PHYKPL: variants seen among roughly 807,000 people sequenced by gnomAD.
The protein encoded by PHYKPL is 5-phosphohydroxy-L-lysine phospho-lyase, also known as 5-phosphonooxy-L-lysine phospho-lyase.
PHYKPL carries 42 observed loss-of-function variants against 51.3 expected under a neutral mutation model. The observed-to-expected ratio is 0.82, with a 90% CI of 0.64 to 1.06. The LOEUF (loss-of-function observed/expected upper bound fraction) is 1.06. Among genes scored for constraint, PHYKPL ranks in the 50% least tolerant of loss-of-function variants. The pLI, the probability that PHYKPL is intolerant of heterozygous loss-of-function variation, is 0.00. For synonymous variants in PHYKPL, 264 were observed against 236.0 expected, an observed-to-expected ratio of 1.12 and a Z score of -1.09; for missense variants, 655 against 586.6, an observed-to-expected ratio of 1.12 and a Z score of -1.20.
intron 1 of PHYKPL, chr5:178,232,122 T>C: frequency 8.4e-7 from 1 of 1,189,890 alleles, no homozygotes. Flanking sequence ...GCCCAGGTGC[T>C]GCTGACGGGC....
chr5:178,232,377 A>G (rs924425019), intron 1 of PHYKPL, 115 bp downstream of exon 1: 59 of 1,314,300 alleles, frequency 4.5e-5, no homozygotes, highest in Non-Finnish European at 5.5e-5. Context: ...CGGGATGGGT[A>G]GCAGCGGCTT....
chr5:178,232,285 G>A (rs1454506427), intron 1 of PHYKPL: 10 of 1,246,764 alleles, frequency 8.0e-6, no homozygotes, highest in African/African-American at 4.7e-5. Context: ...AGGCGGCCCC[G>A]GAGACCACCC....
intron 10 of PHYKPL, 132 bp downstream of exon 10, chr5:178,214,664 C>T (rs1240900639): frequency 3.8e-6 from 3 of 785,602 alleles, no homozygotes; most frequent in Non-Finnish European, 6.3e-6. Context: ...CCGCCAGCCC[C>T]AGCCCTCTTT....
intron 8 of PHYKPL, among the ~76,000 whole-genome samples, chr5:178,221,499 T>C (rs556249823): frequency 3.9e-5 from 6 of 152,304 alleles, no homozygotes; most frequent in East Asian, 1.9e-4. Context: ...TCTGAGGCTC[T>C]ATGTGTCACA....
intron 10 of PHYKPL, 130 bp downstream of exon 10, chr5:178,214,666 G>C: frequency 1.3e-6 from 1 of 788,934 alleles, no homozygotes; most frequent in Non-Finnish European, 2.1e-6. Context: ...GCCAGCCCCA[G>C]CCCTCTTTCA....
intron 12 of PHYKPL, among the ~76,000 whole-genome samples, 193 bp from the exon 13 acceptor site, chr5:178,209,108 T>A (rs1757361644): frequency 6.6e-6 from 1 of 152,202 alleles, no homozygotes; most frequent in Admixed American, 6.5e-5. Context: ...GAGATGCCCA[T>A]CTCAAGTGCA....
At chr5:178,227,534 A>C (rs1036617862) in intron 3 of PHYKPL, among the ~76,000 whole-genome samples, 1 of 152,124 alleles carries the variant, frequency 6.6e-6, no homozygotes, top group African/African-American at 2.4e-5. Flanking sequence ...GGCCTTGTGA[A>C]GGAAAAGAGC....
At chr5:178,207,255 C>T, downstream of PHYKPL, 3 of 1,612,190 alleles carry the variant, frequency 1.9e-6, no homozygotes, top group African/African-American at 1.3e-5. Context: ...GCTTGGCCTC[C>T]TGTGCTGCTG....
In PHYKPL at chr5:178,232,481, C is replaced by T. The variant is rs745436950; in HGVS notation, c.59+11G>A. On this transcript the variant is annotated intron_variant, in intron 1 of 12. Transcript: ENST00000308158. ...CCCGCGCCCCCCGCCGCCCGCCCCC[C>T]GCCCGGGTACCTGATGAGCCGTTGC... 37 of 1,366,070 alleles carry T rather than the reference C, an allele frequency of 2.7e-5. No homozygotes were observed. Among genetic ancestry groups the T allele is most frequent in the African/African-American group, 3.1e-5 (2 of 65,414 alleles). The allele number at this position is 1,366,070 out of a possible 1,614,324, so 84.6% of individuals were successfully genotyped here.
At chr5:178,232,318 G>A in intron 1 of PHYKPL, 174 bp downstream of exon 1, 14 of 1,264,666 alleles carry the variant, frequency 1.1e-5, no homozygotes, top group Non-Finnish European at 1.3e-5. Context: ...CAACGGCGCC[G>A]CCCGCCTCGG....
chr5:178,214,900 G>C lies in PHYKPL; in HGVS notation c.1083-15C>G. The stretch of plus-strand genomic sequence containing the variant: ...GCCCAACACCCCTGCAAGGGAAGGT[G>C]ACGACATCTCAGGAGGCCAGGCCTG... On this transcript the variant is annotated splice_polypyrimidine_tract_variant and intron_variant, in intron 9 of 12. Transcript: ENST00000308158. 4 of 1,611,870 alleles carry C rather than the reference G, an allele frequency of 2.5e-6. No homozygotes were observed. Among genetic ancestry groups the C allele is most frequent in the Non-Finnish European group, 3.4e-6 (4 of 1,178,956 alleles).
At chr5:178,208,119 T>A (rs1442009097), downstream of PHYKPL, among the ~76,000 whole-genome samples, 1 of 152,190 alleles carries the variant, frequency 6.6e-6, no homozygotes, top group Non-Finnish European at 1.5e-5. Context: ...GCTCTTCCCC[T>A]CCTGAACTCT....
At position 178,232,623 on chromosome 5, in the gene PHYKPL, C is replaced by A. The variant is rs140358085; in HGVS notation, c.-73G>T. 103,610 of 1,233,912 alleles carry A rather than the reference C, an allele frequency of 0.084. 4,777 individuals are homozygous for A. The highest frequency in any genetic ancestry group is 0.17 in the African/African-American group (10,616 of 63,966). The allele number at this position is 1,233,912 out of a possible 1,614,324, so 76.4% of individuals were successfully genotyped here. A position where few individuals can be genotyped will look rare whatever the true frequency, so the allele number is the denominator to read the frequency against. On this transcript the variant is annotated 5_prime_UTR_variant, in exon 1 of 13. Transcript: ENST00000308158. ...CGCGCGGGCTGGGCCTCCAAGGCCC[C>A]GCTCCGGGCCCCGCCCCTGCCTGGG...
intron 6 of PHYKPL, chr5:178,223,433 C>T: frequency 2.2e-6 from 1 of 456,374 alleles, no homozygotes; most frequent in South Asian, 1.5e-5. Context: ...TGCCTCAACC[C>T]AGAGAACTGA....
intron 3 of PHYKPL, among the ~76,000 whole-genome samples, chr5:178,227,752 G>A (rs1224779570): frequency 6.6e-6 from 1 of 152,220 alleles, no homozygotes; most frequent in Non-Finnish European, 1.5e-5. Flanking sequence ...GGTGGCCTCT[G>A]GCTGTGTCTA....
At chr5:178,219,597 C>T (rs1720094704) in intron 8 of PHYKPL, among the ~76,000 whole-genome samples, 1 of 152,042 alleles carries the variant, frequency 6.6e-6, no homozygotes, top group African/African-American at 2.4e-5. Context: ...CTACAGGTGC[C>T]CGCCACCACG....
At chr5:178,218,977 TA>T in intron 8 of PHYKPL, among the ~76,000 whole-genome samples, 1 of 151,980 alleles carries the variant, frequency 6.6e-6, no homozygotes, top group South Asian at 2.1e-4. Context: ...CAAAAAAAAG[TA>T]AAGGAAAACA....
At chr5:178,232,415 T>G (rs1202823921) in intron 1 of PHYKPL, 77 bp downstream of exon 1, 1 of 1,357,440 alleles carries the variant, frequency 7.4e-7, no homozygotes, top group African/African-American at 1.5e-5. Context: ...GCGTAGTGCG[T>G]GCGTGCGTGC....
chr5:178,217,539 G>A (rs28793125), intron 8 of PHYKPL, among the ~76,000 whole-genome samples: 2,724 of 150,848 alleles, frequency 0.018, 88 homozygotes, highest in Admixed American at 0.067. Context: ...GATTTAAGCC[G>A]GCAGATGAAA....
Sources: allele counts gnomAD v4.1 joint callset (sites outside exome capture counted in the v4.1 genomes callset), GRCh38; gene constraint gnomAD v4.1.1; transcripts MANE v1.5; gene names NCBI Gene and HGNC (gene_info 2026-07-23, HGNC 2026-07-21).